UBA6: variants seen among roughly 807,000 people sequenced by gnomAD.
UBA6 encodes ubiquitin-like modifier-activating enzyme 6.
A neutral mutation model predicts 148.3 loss-of-function variants in UBA6; 87 were observed. The ratio of observed to expected loss-of-function variants is 0.59; its 90% CI spans 0.49 to 0.70. The LOEUF is 0.70. Ranked by LOEUF, UBA6 falls within the 30% of genes least tolerant of loss-of-function variation. The pLI is 0.00. For synonymous variants in UBA6, 376 were observed against 401.0 expected (o/e 0.94, Z 0.75); for missense variants, 1,186 against 1,241.2 (o/e 0.96, Z 0.67).
chr4:67,695,249 C>G (rs1730806259), intron 2 of UBA6, among the ~76,000 whole-genome samples: 1 of 152,164 alleles, frequency 6.6e-6, no homozygotes, highest in Non-Finnish European at 1.5e-5. Flanking sequence ...GTCCCACTCT[C>G]CCTTTTTGCT....
chr4:67,657,458 G>A (rs1010934566), intron 13 of UBA6, among the ~76,000 whole-genome samples: 12 of 151,784 alleles, frequency 7.9e-5, no homozygotes, highest in Non-Finnish European at 2.9e-5. Context: ...AATAAATGGT[G>A]CTGGGATTAG....
At chr4:67,673,058 A>T (rs1730187911) in intron 7 of UBA6, among the ~76,000 whole-genome samples, 1 of 152,148 alleles carries the variant, frequency 6.6e-6, no homozygotes, top group Admixed American at 6.5e-5. Context: ...GTCTCTATTC[A>T]CTAATGTATT....
intron 13 of UBA6, among the ~76,000 whole-genome samples, chr4:67,649,616 G>A (rs1432738844): frequency 1.3e-5 from 2 of 151,926 alleles, no homozygotes; most frequent in African/African-American, 4.8e-5. Flanking sequence ...TATGATAAAG[G>A]AAAATAAAAT....
chr4:67,700,819 G>A (rs1730962238), intron 1 of UBA6, among the ~76,000 whole-genome samples: 1 of 152,108 alleles, frequency 6.6e-6, no homozygotes, highest in South Asian at 2.1e-4. Context: ...AACTGAGAAA[G>A]CCCTCAAAGG....
chr4:67,691,608 C>T (rs1390993988), intron 2 of UBA6, among the ~76,000 whole-genome samples: 1 of 152,076 alleles, frequency 6.6e-6, no homozygotes, highest in Non-Finnish European at 1.5e-5. Context: ...ATACTGTAAA[C>T]CTTGAATGAC....
chr4:67,666,479 A>C (rs1300485871), intron 9 of UBA6, among the ~76,000 whole-genome samples: 1 of 151,844 alleles, frequency 6.6e-6, no homozygotes, highest in Non-Finnish European at 1.5e-5. Context: ...CTGGAGAGGA[A>C]AGGAAGTCTG....
chr4:67,632,929 C>A (rs904661237), intron 23 of UBA6, among the ~76,000 whole-genome samples: 4 of 152,120 alleles, frequency 2.6e-5, no homozygotes, highest in Non-Finnish European at 5.9e-5. Flanking sequence ...CTATATTTAA[C>A]TGGAGGTAAG....
chr4:67,652,269 A>G (rs895902691), intron 13 of UBA6, among the ~76,000 whole-genome samples: 2 of 152,228 alleles, frequency 1.3e-5, no homozygotes, highest in Admixed American at 6.5e-5. Flanking sequence ...GCTATTTTAA[A>G]AACAGGCAAA....
intron 13 of UBA6, 133 bp downstream of exon 13, chr4:67,662,054 CAG>C: frequency 1.5e-6 from 1 of 686,550 alleles, no homozygotes; most frequent in Non-Finnish European, 2.5e-6. Context: ...TAAATTAAAA[CAG>C]AACAAACTGA....
intron 1 of UBA6, among the ~76,000 whole-genome samples, chr4:67,700,670 T>G (rs958169282): frequency 6.6e-6 from 1 of 152,096 alleles, no homozygotes; most frequent in African/African-American, 2.4e-5. Flanking sequence ...CTCCTAGCTT[T>G]CTTTTTACGG....
intron 13 of UBA6, among the ~76,000 whole-genome samples, chr4:67,661,012 T>C (rs1729837340): frequency 6.6e-6 from 1 of 152,214 alleles, no homozygotes; most frequent in Admixed American, 6.5e-5. Flanking sequence ...CCCTTTGTTT[T>C]GTCCAATTTC....
chr4:67,694,468 T>A lies in UBA6; in HGVS notation c.134+2177A>T, dbSNP rs1453988952. Among the ~76,000 whole-genome samples, 4 of 151,722 alleles carry A rather than the reference T, an allele frequency of 2.6e-5. 1 individual carries two copies. The highest frequency in any genetic ancestry group is 2.6e-4 in the Admixed American group (4 of 15,236). On this transcript the variant is annotated intron_variant, in intron 2 of 32. Coordinates refer to ENST00000322244, the MANE Select transcript of UBA6 (RefSeq NM_018227.6). Reference sequence around the variant, plus strand: ...ACACAGTGGTGCCATCTCAGCTCACTGCAAGCTCTGCCTCCCCGGTTCATG... The same window carrying A: ...ACACAGTGGTGCCATCTCAGCTCACAGCAAGCTCTGCCTCCCCGGTTCATG...
intron 13 of UBA6, among the ~76,000 whole-genome samples, chr4:67,660,679 C>T (rs1729827128): frequency 6.6e-6 from 1 of 152,102 alleles, no homozygotes; most frequent in South Asian, 2.1e-4. Flanking sequence ...GGGTTGGAGC[C>T]CCCACAGAGA....
intron 4 of UBA6, 132 bp downstream of exon 4, chr4:67,681,431 T>C (rs1730434943): frequency 3.5e-6 from 2 of 565,356 alleles, no homozygotes; most frequent in Non-Finnish European, 6.0e-6. Flanking sequence ...ATTTTTTAAA[T>C]TTCCATGATT....
At position 67,673,785 on chromosome 4, in the gene UBA6, G is replaced by C; in HGVS notation, c.466-8C>G. 4 of 1,579,980 alleles carry C rather than the reference G, an allele frequency of 2.5e-6. No individual in the cohort carries two copies. Among genetic ancestry groups the C allele is most frequent in the South Asian group, 1.2e-5 (1 of 86,300 alleles). On this transcript the variant is annotated splice_polypyrimidine_tract_variant and splice_region_variant and intron_variant, in intron 6 of 32. Coordinates refer to ENST00000322244, the MANE Select transcript of UBA6 (RefSeq NM_018227.6). ...CTCAGTCAATACTACACACTGTTGA[G>C]AAAACAACAAATTAAAAACTAGAAA... is the stretch of plus-strand genomic sequence containing the variant.
intron 13 of UBA6, among the ~76,000 whole-genome samples, chr4:67,657,050 G>A (rs947163323): frequency 1.3e-5 from 2 of 152,138 alleles, no homozygotes; most frequent in African/African-American, 4.8e-5. Context: ...ACAAATGGAA[G>A]AACATTCCAT....
intron 2 of UBA6, among the ~76,000 whole-genome samples, chr4:67,689,897 C>T (rs894397606): frequency 2.6e-5 from 4 of 152,162 alleles, no homozygotes; most frequent in East Asian, 1.9e-4. Flanking sequence ...TCACAGTCTA[C>T]GACTTAGAAA....
intron 32 of UBA6, among the ~76,000 whole-genome samples, chr4:67,619,628 A>C (rs1405035871): frequency 2.0e-5 from 3 of 152,236 alleles, no homozygotes; most frequent in African/African-American, 7.2e-5. Flanking sequence ...ACGATTTTAA[A>C]AAATTGATTT....
rs116040091 is a variant in UBA6 at position 67,613,607 on chromosome 4, A to G, written c.*5390T>C. 3.5e-3 allele frequency: 478 copies of G among 136,350 alleles called. 2 individuals carry two copies. Among genetic ancestry groups the G allele is most frequent in the Admixed American group, 9.3e-3 (126 of 13,492 alleles). 8.4% of individuals were successfully genotyped at this position (136,350 alleles called of 1,614,324 possible). On this transcript the variant is annotated 3_prime_UTR_variant, in exon 33 of 33. Transcript: ENST00000322244. ...ATTTGTTTGGCCAGATATCAAGAAT[A>G]TATCAGCTACAATGATGATGATGAT... is the stretch of plus-strand genomic sequence containing the variant.
Sources: gnomAD v4.1 joint callset for allele counts (sites outside exome capture counted in the v4.1 genomes callset) on GRCh38, gnomAD v4.1.1 for gene constraint, MANE v1.5 for transcripts, NCBI Gene and HGNC (gene_info 2026-07-23, HGNC 2026-07-21) for gene names.